The following TMEM114 variants were observed in gnomAD, a reference collection of about 807,000 sequenced individuals.
TMEM114 encodes transmembrane protein 114, also known as claudin-26.
TMEM114 carries 6 observed loss-of-function variants against 6.2 expected under a neutral mutation model. The observed-to-expected ratio is 0.97, with a 90% CI of 0.53 to 1.91. The LOEUF (loss-of-function observed/expected upper bound fraction) is 1.91, where lower values mean the gene tolerates loss of function less well. Ranked by LOEUF, TMEM114 falls within the 40% of genes most tolerant of loss-of-function variation. The pLI, the probability that TMEM114 is intolerant of heterozygous loss-of-function variation, is 0.01. For synonymous variants in TMEM114, 104 were observed against 73.0 expected (o/e 1.42, Z -2.16); for missense variants, 218 against 158.3 (o/e 1.38, Z -2.02).
chr16:8,534,127 A>C (rs920458289), downstream of TMEM114, among the ~76,000 whole-genome samples: 3 of 152,190 alleles, frequency 2.0e-5, no homozygotes, highest in African/African-American at 7.2e-5. Context: ...TGAAATATTT[A>C]TTGTGCATAT....
chr16:8,561,729 G>A (rs974008167), intron 2 of TMEM114, among the ~76,000 whole-genome samples: 1 of 152,110 alleles, frequency 6.6e-6, no homozygotes, highest in Non-Finnish European at 1.5e-5. Context: ...GAGTGAGGGA[G>A]GAAGGCAATG....
intron 2 of TMEM114, among the ~76,000 whole-genome samples, chr16:8,547,075 A>G (rs750870335): frequency 1.4e-4 from 22 of 152,220 alleles, no homozygotes; most frequent in Non-Finnish European, 2.9e-4. Flanking sequence ...GCTGCAGGTA[A>G]GTGTCCTCAG....
chr16:8,574,034 G>A (rs977260842), intron 2 of TMEM114, among the ~76,000 whole-genome samples: 5 of 152,204 alleles, frequency 3.3e-5, no homozygotes, highest in Non-Finnish European at 5.9e-5. Flanking sequence ...GAGCTAGACA[G>A]TGTGGCTCTC....
the TMEM114 span, among the ~76,000 whole-genome samples, chr16:8,530,753 G>A: frequency 6.6e-6 from 1 of 152,098 alleles, no homozygotes; most frequent in South Asian, 2.1e-4. Flanking sequence ...GCCGGGCATT[G>A]TGGCTCATGC....
At chr16:8,532,521 C>G in the TMEM114 span, among the ~76,000 whole-genome samples, 1 of 152,182 alleles carries the variant, frequency 6.6e-6, no homozygotes, top group Admixed American at 6.5e-5. Context: ...AAAGGCCAAA[C>G]ACCTTACTAA....
downstream of TMEM114, among the ~76,000 whole-genome samples, chr16:8,535,093 C>T (rs1900318600): frequency 6.6e-6 from 1 of 152,242 alleles, no homozygotes; most frequent in Non-Finnish European, 1.5e-5. Context: ...TGGGAAGTCT[C>T]ACCATCTGAG....
chr16:8,554,125 C>T (rs1372337359), intron 2 of TMEM114, among the ~76,000 whole-genome samples: 3 of 152,124 alleles, frequency 2.0e-5, no homozygotes, highest in South Asian at 2.1e-4. Flanking sequence ...GTGATCCACC[C>T]GACTTGGCCT....
downstream of TMEM114, among the ~76,000 whole-genome samples, chr16:8,565,920 C>T (rs371935008): frequency 3.5e-4 from 54 of 152,234 alleles, no homozygotes; most frequent in African/African-American, 1.1e-3. Flanking sequence ...GAACCACTGT[C>T]TTAAAGGCAT....
At chr16:8,527,522 A>G in the TMEM114 span, among the ~76,000 whole-genome samples, 1 of 146,244 alleles carries the variant, frequency 6.8e-6, no homozygotes, top group African/African-American at 2.6e-5. Context: ...CACCCAAGCA[A>G]GATTTCTAGT....
At chr16:8,564,252 AG>A (rs1460729441) in intron 2 of TMEM114, among the ~76,000 whole-genome samples, 1 of 7,364 alleles carries the variant, frequency 1.4e-4, no homozygotes, top group Admixed American at 1.4e-3. Context: ...TGAGTGAGTG[AG>A]TGAATGAGTG....
rs1902437897 is a variant in TMEM114, at chr16:8,590,082, T to A, written c.-244A>T. 2 of 366,324 alleles carry A rather than the reference T, an allele frequency of 5.5e-6. No homozygotes were observed. The highest frequency in any genetic ancestry group is 4.0e-5 in the East Asian group (1 of 25,002). The allele number at this position is 366,324 out of a possible 1,614,324, so 22.7% of individuals were successfully genotyped here. On this transcript the variant is annotated 5_prime_UTR_variant, in exon 1 of 4. Transcript: ENST00000620492. ...GCCGTCCACGTTCCCACCCCTCCAA[T>A]GCCAGCTCTACCTGCAGACCCCCTC... is the stretch of plus-strand genomic sequence containing the variant.
intron 2 of TMEM114, among the ~76,000 whole-genome samples, chr16:8,554,566 G>A (rs200255327): frequency 1.4e-4 from 21 of 152,220 alleles, no homozygotes; most frequent in African/African-American, 4.8e-4. Context: ...TGTGGGGTTG[G>A]CTCTGCTTCT....
intron 2 of TMEM114, among the ~76,000 whole-genome samples, chr16:8,555,543 C>G (rs142855706): frequency 0.013 from 1,956 of 152,270 alleles, 125 homozygotes; most frequent in Admixed American, 0.11. Context: ...CAATGGTAAA[C>G]TGTCATGGCG....
chr16:8,543,976 A>G (rs1432577891), intron 2 of TMEM114, among the ~76,000 whole-genome samples: 1 of 152,238 alleles, frequency 6.6e-6, no homozygotes, highest in Non-Finnish European at 1.5e-5. Context: ...AAACTGGCTT[A>G]TGTAATCCAA....
At chr16:8,578,465 A>G (rs948198033) in intron 2 of TMEM114, among the ~76,000 whole-genome samples, 3 of 152,148 alleles carry the variant, frequency 2.0e-5, no homozygotes, top group Non-Finnish European at 4.4e-5. Context: ...CATAGGATTT[A>G]GGGCCCACCA....
At chr16:8,562,224 G>GTGAGGGAA (rs1567202088) in intron 2 of TMEM114, among the ~76,000 whole-genome samples, 5 of 139,362 alleles carry the variant, frequency 3.6e-5, no homozygotes, top group Admixed American at 2.9e-4. Context: ...GAGTAAATGA[G>GTGAGGGAA]TGAGTGAGTG....
At chr16:8,536,423 C>G (rs1900361827), downstream of TMEM114, among the ~76,000 whole-genome samples, 1 of 152,094 alleles carries the variant, frequency 6.6e-6, no homozygotes, top group Non-Finnish European at 1.5e-5. Flanking sequence ...ATCCTTGTCT[C>G]TAAAATGAGA....
At chr16:8,568,835 G>A (rs917806080), downstream of TMEM114, among the ~76,000 whole-genome samples, 1 of 152,226 alleles carries the variant, frequency 6.6e-6, no homozygotes, top group Admixed American at 6.5e-5. Flanking sequence ...TCAGATCAAG[G>A]ATGTAGACAG....
At chr16:8,545,102 T>C (rs1338706858) in intron 2 of TMEM114, among the ~76,000 whole-genome samples, 1 of 152,164 alleles carries the variant, frequency 6.6e-6, no homozygotes, top group African/African-American at 2.4e-5. Context: ...CTTTCTCTTT[T>C]CTTTCTAGTT....
Sources: allele counts gnomAD v4.1 joint callset (sites outside exome capture counted in the v4.1 genomes callset), GRCh38; gene constraint gnomAD v4.1.1; transcripts MANE v1.5; gene names NCBI Gene and HGNC (gene_info 2026-07-23, HGNC 2026-07-21).